FARS2: variants seen among roughly 807,000 people sequenced by gnomAD.
The protein encoded by FARS2 is phenylalanyl-tRNA synthetase 2, mitochondrial.
Under a neutral mutation model 46.4 loss-of-function variants are expected in FARS2, and 40 were observed. The ratio of observed to expected loss-of-function variants is 0.86; its 90% CI spans 0.67 to 1.12. FARS2 has a LOEUF of 1.12. Ranked by LOEUF, FARS2 falls within the 50% of genes most tolerant of loss-of-function variation. The probability of loss-of-function intolerance (pLI) is 0.00; values close to 1 mark genes in which losing one functional copy is unlikely to be tolerated. For synonymous variants in FARS2, 234 were observed against 214.9 expected (o/e 1.09, Z -0.78); for missense variants, 513 against 567.9 (o/e 0.90, Z 0.98).
intron 5 of FARS2, among the ~76,000 whole-genome samples, chr6:5,545,541 A>G (rs757234433): frequency 1.3e-5 from 2 of 152,014 alleles, no homozygotes; most frequent in Non-Finnish European, 1.5e-5. Context: ...TGCTGTGCCT[A>G]TCAACCCGTC....
At chr6:5,367,979 T>C (rs895788793) in intron 1 of FARS2, among the ~76,000 whole-genome samples, 2 of 152,210 alleles carry the variant, frequency 1.3e-5, no homozygotes, top group African/African-American at 2.4e-5. Flanking sequence ...TAATGTCACT[T>C]TGTGATCTAG....
chr6:5,404,648 A>G lies in FARS2; in HGVS notation c.719A>G (p.Glu240Gly). ...THTMEAVKLV[E>G]FDLKQTLTRL... ...ACCATGGAGGCCGTGAAGCTTGTAG[A>G]GTTTGATCTTAAGCAAACGCTTACC... The change falls in exon 3 of 7, where the codon GAG becomes GGG. Residue 240 changes from glutamate (E) to glycine (G), a missense_variant. Glu to Gly is a moderately conservative substitution (Grantham distance 98). Coordinates refer to ENST00000274680, the MANE Select transcript of FARS2 (RefSeq NM_006567.5). The G allele has an allele frequency of 6.2e-7, 1 of 1,611,186 alleles. No homozygotes were observed. Among genetic ancestry groups the G allele is most frequent in the Non-Finnish European group, 8.5e-7 (1 of 1,178,342 alleles).
In FARS2 at chr6:5,729,709, T is replaced by C. The variant is rs147453080; in HGVS notation, c.1218-41582T>C. ...CCACAAGTACCTGTGCCCTCATTTTTTTAGGCACAGGCTTCTTTCTCTGCT... is the reference window on the plus strand; with the variant it reads ...CCACAAGTACCTGTGCCCTCATTTTCTTAGGCACAGGCTTCTTTCTCTGCT... On this transcript the variant is annotated intron_variant, in intron 6 of 6. Transcript: ENST00000274680. 2.5e-3 allele frequency among the ~76,000 whole-genome samples: 375 copies of C among 152,340 alleles called. 1 individual carries two copies. The highest frequency in any genetic ancestry group is 8.5e-3 in the African/African-American group (352 of 41,584).
At chr6:5,663,046 A>T (rs903214446) in intron 6 of FARS2, among the ~76,000 whole-genome samples, 1 of 152,216 alleles carries the variant, frequency 6.6e-6, no homozygotes, top group Non-Finnish European at 1.5e-5. Flanking sequence ...TTGCAGTTTC[A>T]TTTGGGAAAC....
At chr6:5,401,863 C>T (rs535680984) in intron 2 of FARS2, among the ~76,000 whole-genome samples, 43 of 152,202 alleles carry the variant, frequency 2.8e-4, no homozygotes, top group Admixed American at 9.8e-4. Context: ...ATTAGTTGAT[C>T]TTTTTGCCTA....
At chr6:5,694,964 C>T (rs1308968018) in intron 6 of FARS2, 1 of 152,216 alleles carries the variant, frequency 6.6e-6, no homozygotes, top group Non-Finnish European at 1.5e-5. Context: ...GAGCTATGCT[C>T]ACACTATTGC....
intron 6 of FARS2, among the ~76,000 whole-genome samples, chr6:5,754,439 G>A (rs570375546): frequency 1.2e-4 from 18 of 152,338 alleles, no homozygotes; most frequent in South Asian, 6.2e-4. Context: ...GAAGACTGGG[G>A]CATCTGAAAC....
rs758143762 is a variant in FARS2 at position 5,504,568 on chromosome 6, C to T, written c.905-40612C>T. 5.3e-5 allele frequency among the ~76,000 whole-genome samples: 8 copies of T among 151,918 alleles called. No individual in the cohort carries two copies. The East Asian group carries it at 1.5e-3, about 29-fold the overall frequency. On this transcript the variant is annotated intron_variant, in intron 4 of 6. Transcript: ENST00000274680. ...ACTTAACAGAAACATCCATTGAAGA[C>T]GTCAACAACTTCAAGTCGCACAAAA...
chr6:5,597,828 T>C (rs1187955811), intron 5 of FARS2, among the ~76,000 whole-genome samples: 2 of 152,236 alleles, frequency 1.3e-5, no homozygotes, highest in Non-Finnish European at 2.9e-5. Flanking sequence ...CAATATTTCC[T>C]TCCATTACAT....
chr6:5,408,481 C>A (rs1761744389), intron 3 of FARS2, among the ~76,000 whole-genome samples: 1 of 152,092 alleles, frequency 6.6e-6, no homozygotes, highest in South Asian at 2.1e-4. Context: ...ACTCTTATGA[C>A]CATGGAGAAA....
chr6:5,573,420 G>A (rs1343042202), intron 5 of FARS2, among the ~76,000 whole-genome samples: 1 of 152,198 alleles, frequency 6.6e-6, no homozygotes, highest in Non-Finnish European at 1.5e-5. Context: ...ACGCGTGCGT[G>A]CATATAGACA....
chr6:5,363,337 C>G (rs1422501943), intron 1 of FARS2, among the ~76,000 whole-genome samples: 1 of 152,082 alleles, frequency 6.6e-6, no homozygotes, highest in Non-Finnish European at 1.5e-5. Context: ...TACTTTTTCC[C>G]ATTCTGTGAG....
At chr6:5,625,444 C>T (rs1030473415) in intron 6 of FARS2, among the ~76,000 whole-genome samples, 1 of 152,152 alleles carries the variant, frequency 6.6e-6, no homozygotes, top group Admixed American at 6.5e-5. Flanking sequence ...GCTTGAGTAG[C>T]AGCCAGGAGG....
At chr6:5,722,307 A>G (rs1759964321) in intron 6 of FARS2, among the ~76,000 whole-genome samples, 2 of 152,188 alleles carry the variant, frequency 1.3e-5, no homozygotes, top group Non-Finnish European at 2.9e-5. Flanking sequence ...GGAGACCCCC[A>G]CAGGTCTGCA....
chr6:5,256,035 A>G, the FARS2 span, among the ~76,000 whole-genome samples: 4 of 151,878 alleles, frequency 2.6e-5, no homozygotes, highest in East Asian at 7.9e-4. Context: ...TGCCGACTAC[A>G]GCCCCCATTA....
intron 5 of FARS2, among the ~76,000 whole-genome samples, chr6:5,564,360 T>G (rs774260153): frequency 4.6e-5 from 7 of 152,214 alleles, no homozygotes; most frequent in Admixed American, 6.5e-5. Context: ...CCCGGCAGAA[T>G]TTGCAAGATA....
At chr6:5,299,061 A>G (rs1330302582) in intron 1 of FARS2, among the ~76,000 whole-genome samples, 2 of 152,172 alleles carry the variant, frequency 1.3e-5, no homozygotes, top group East Asian at 3.8e-4. Context: ...TTGCTAAAAT[A>G]TAGATCTAGT....
intron 1 of FARS2, among the ~76,000 whole-genome samples, chr6:5,349,419 TA>T (rs1321025106): frequency 1.3e-5 from 2 of 152,244 alleles, no homozygotes; most frequent in Admixed American, 1.3e-4. Context: ...CTTGTAGGTT[TA>T]ATTCAATTCA....
At chr6:5,569,176 A>G (rs1188933509) in intron 5 of FARS2, among the ~76,000 whole-genome samples, 1 of 152,030 alleles carries the variant, frequency 6.6e-6, no homozygotes, top group East Asian at 1.9e-4. Context: ...AAACAGGAGA[A>G]AAAACAGGTC....
Sources: allele counts gnomAD v4.1 joint callset (sites outside exome capture counted in the v4.1 genomes callset), GRCh38; gene constraint gnomAD v4.1.1; transcripts MANE v1.5; gene names NCBI Gene and HGNC (gene_info 2026-07-23, HGNC 2026-07-21).